JMY: variants seen among roughly 807,000 people sequenced by gnomAD.
JMY encodes the protein junction-mediating and -regulatory protein.
Under a neutral mutation model 103.3 loss-of-function variants are expected in JMY, and 46 were observed. The observed-to-expected ratio is 0.45, with a 90% CI of 0.35 to 0.57. The LOEUF (loss-of-function observed/expected upper bound fraction) is 0.57. Among genes scored for constraint, JMY ranks in the 20% least tolerant of loss-of-function variants. JMY has a pLI of 0.00. For synonymous variants in JMY, 526 were observed against 489.3 expected (o/e 1.07, Z -0.99); for missense variants, 1,238 against 1,255.2 (o/e 0.99, Z 0.21).
chr5:79,260,745 AGATTTT>A (rs1745397672), intron 1 of JMY, among the ~76,000 whole-genome samples: 1 of 149,348 alleles, frequency 6.7e-6, no homozygotes, highest in East Asian at 1.9e-4. Flanking sequence ...TTTTTTTCTC[AGATTTT>A]AGTATTAACA....
intron 1 of JMY, among the ~76,000 whole-genome samples, chr5:79,252,403 TGATA>T (rs1247066919): frequency 6.0e-5 from 9 of 150,952 alleles, no homozygotes; most frequent in Non-Finnish European, 1.2e-4. Context: ...TCCTTGAGAG[TGATA>T]GATATGCTAA....
intron 1 of JMY, among the ~76,000 whole-genome samples, chr5:79,268,472 AT>A (rs1745647461): frequency 2.7e-5 from 4 of 145,686 alleles, no homozygotes; most frequent in African/African-American, 1.1e-4. Context: ...GCATCTTTTT[AT>A]TTATTTTTTA....
chr5:79,284,047 A>ACTGT, intron 2 of JMY: 1 of 828,208 alleles, frequency 1.2e-6, no homozygotes, highest in Non-Finnish European at 1.8e-6. Flanking sequence ...GGTACAAATT[A>ACTGT]CTTTCTTTTT....
chr5:79,245,006 A>C (rs572772833), intron 1 of JMY, among the ~76,000 whole-genome samples: 2 of 152,196 alleles, frequency 1.3e-5, no homozygotes, highest in East Asian at 3.9e-4. Flanking sequence ...TGTTTTCCTA[A>C]ATGTGGGGGA....
At chr5:79,291,054 T>G in intron 3 of JMY, 76 bp from the exon 4 acceptor site, 1 of 992,054 alleles carries the variant, frequency 1.0e-6, no homozygotes. Context: ...CTTTGTGTGG[T>G]CAGTGAAATC....
chr5:79,312,207 AATATTTCATGTTTCATGCTTTC>A (rs1747068016), intron 7 of JMY, among the ~76,000 whole-genome samples, 174 bp from the exon 8 acceptor site: 1 of 152,174 alleles, frequency 6.6e-6, no homozygotes, highest in Non-Finnish European at 1.5e-5. Context: ...GTGTATTAAA[AATATTTCATGTTTCATGCTTTC>A]ATATTTCATG....
intron 1 of JMY, among the ~76,000 whole-genome samples, chr5:79,270,574 TATA>T (rs1745741463): frequency 2.9e-5 from 1 of 33,968 alleles, no homozygotes; most frequent in Non-Finnish European, 9.5e-5. Context: ...ATTTAAAATG[TATA>T]TTTACATAAA....
intron 7 of JMY, among the ~76,000 whole-genome samples, chr5:79,307,537 T>C (rs1268842571): frequency 6.6e-6 from 1 of 152,132 alleles, no homozygotes; most frequent in East Asian, 1.9e-4. Flanking sequence ...AGCCGCAAAC[T>C]CCTGGGCTCA....
intron 10 of JMY, among the ~76,000 whole-genome samples, chr5:79,320,013 TC>T (rs1204368996): frequency 6.6e-6 from 1 of 152,212 alleles, no homozygotes; most frequent in Non-Finnish European, 1.5e-5. Context: ...CTCTTCTCTT[TC>T]CAGAGATAGC....
intron 10 of JMY, among the ~76,000 whole-genome samples, chr5:79,319,569 T>C (rs1296978585): frequency 2.9e-4 from 1 of 3,504 alleles, no homozygotes. Flanking sequence ...ATTCCTTTTT[T>C]TTTTCTCTCT....
chr5:79,243,035 G>A (rs1744786772), intron 1 of JMY, among the ~76,000 whole-genome samples: 1 of 152,200 alleles, frequency 6.6e-6, no homozygotes, highest in African/African-American at 2.4e-5. Context: ...AGAGAAAGGT[G>A]TTGCCTAGTG....
chr5:79,287,435 C>T (rs927414607), intron 2 of JMY, among the ~76,000 whole-genome samples: 5 of 152,182 alleles, frequency 3.3e-5, no homozygotes, highest in African/African-American at 1.2e-4. Flanking sequence ...GTACAATCGA[C>T]TAATTACGGA....
rs541719599 is a variant in JMY at position 79,236,456 on chromosome 5, C to G, written c.-195C>G. 237 of 422,982 alleles carry G rather than the reference C, an allele frequency of 5.6e-4. 1 individual carries two copies. The highest frequency in any genetic ancestry group is 4.3e-3 in the African/African-American group (210 of 48,290). 26.2% of individuals were successfully genotyped at this position (422,982 alleles called of 1,614,324 possible). A position where few individuals can be genotyped will look rare whatever the true frequency, so the allele number is the denominator to read the frequency against. On this transcript the variant is annotated 5_prime_UTR_variant, in exon 1 of 11. Transcript: ENST00000396137. ...CTCCCGGGACGCTTATTGTCCTTCT[C>G]TCGATCCGCGCCACAAAGGAGCTCG...
intron 1 of JMY, among the ~76,000 whole-genome samples, chr5:79,246,976 C>T (rs2112047220): frequency 6.6e-6 from 1 of 152,076 alleles, no homozygotes; most frequent in South Asian, 2.1e-4. Context: ...TTTGTATCTA[C>T]CTAAGAGATA....
intron 3 of JMY, among the ~76,000 whole-genome samples, 158 bp downstream of exon 3, chr5:79,290,429 G>A (rs144464416): frequency 4.0e-5 from 6 of 151,850 alleles, no homozygotes; most frequent in African/African-American, 1.2e-4. Context: ...CATCCTATCA[G>A]TCTTTTCATA....
chr5:79,242,550 GACTT>G (rs1427676214), intron 1 of JMY, among the ~76,000 whole-genome samples: 3 of 152,112 alleles, frequency 2.0e-5, no homozygotes, highest in African/African-American at 7.2e-5. Flanking sequence ...CAGAAAATGA[GACTT>G]AAAGAGGTCC....
intron 1 of JMY, among the ~76,000 whole-genome samples, chr5:79,240,752 C>T (rs994584052): frequency 1.3e-5 from 2 of 152,146 alleles, no homozygotes; most frequent in African/African-American, 4.8e-5. Flanking sequence ...TGATGTCTGC[C>T]ATGGGCATGA....
rs1747556456 is a variant in JMY, at chr5:79,324,180, G to A, written c.*2578G>A. 6.6e-6 allele frequency: 1 copy of A among 152,096 alleles called. No homozygotes were observed. 9.4% of individuals were successfully genotyped at this position (152,096 alleles called of 1,614,324 possible). The stretch of plus-strand genomic sequence containing the variant: ...GAACCCACCTGTTAATTTTAAAGTA[G>A]CTTCAGAACCCAACAAAAATTATGT... On this transcript the variant is annotated 3_prime_UTR_variant, in exon 11 of 11. Transcript: ENST00000396137.
At position 79,239,652 on chromosome 5, in the gene JMY, A is replaced by G. The variant is rs7715018; in HGVS notation, c.1032+1970A>G. ...AAACCCCGTCTCTACTAAAAATACA[A>G]AAGAAAAAATTAGCCGGGTGTGGTG... On this transcript the variant is annotated intron_variant, in intron 1 of 10. Transcript: ENST00000396137. 6.0e-3 allele frequency among the ~76,000 whole-genome samples: 910 copies of G among 152,014 alleles called. 10 individuals carry two copies. The highest frequency in any genetic ancestry group is 0.021 in the African/African-American group (866 of 41,490).
Sources: gnomAD v4.1 joint callset for allele counts (sites outside exome capture counted in the v4.1 genomes callset) on GRCh38, gnomAD v4.1.1 for gene constraint, MANE v1.5 for transcripts, NCBI Gene and HGNC (gene_info 2026-07-23, HGNC 2026-07-21) for gene names.